Variants in USP49 observed in about 807,000 individuals in gnomAD.
USP49 encodes the protein ubiquitin specific peptidase 49.
Under a neutral mutation model 58.6 loss-of-function variants are expected in USP49, and 24 were observed. The observed-to-expected ratio is 0.41, with a 90% CI of 0.30 to 0.58. The LOEUF is 0.58. Ranked by LOEUF, USP49 falls within the 20% of genes least tolerant of loss-of-function variation. USP49 has a pLI of 0.30. For synonymous variants in USP49, 408 were observed against 365.1 expected (o/e 1.12, Z -1.34); for missense variants, 703 against 866.1 (o/e 0.81, Z 2.36).
intron 2 of USP49, among the ~76,000 whole-genome samples, chr6:41,881,288 C>CAAAAAAAAAAAGAAAAA (rs1774602359): frequency 4.9e-5 from 1 of 20,378 alleles, no homozygotes; most frequent in Non-Finnish European, 7.6e-5. Flanking sequence ...CATTAAATAC[C>CAAAAAAAAAAAGAAAAA]AAAAAAAAAA....
chr6:41,881,231 C>T (rs1774599810), intron 2 of USP49, among the ~76,000 whole-genome samples: 1 of 143,288 alleles, frequency 7.0e-6, no homozygotes, highest in African/African-American at 2.6e-5. Flanking sequence ...CCTGCCCGGC[C>T]CCTACGCAGA....
chr6:41,844,996 G>A (rs1288541365), intron 3 of USP49, among the ~76,000 whole-genome samples: 2 of 152,044 alleles, frequency 1.3e-5, no homozygotes, highest in Non-Finnish European at 2.9e-5. Flanking sequence ...TGCCTCCCAG[G>A]TTCAAGCGAT....
intron 3 of USP49, among the ~76,000 whole-genome samples, chr6:41,831,960 C>T (rs1209254099): frequency 1.3e-5 from 2 of 152,178 alleles, no homozygotes; most frequent in African/African-American, 4.8e-5. Flanking sequence ...CCCTCAAAAG[C>T]CAGCTTAGGT....
At chr6:41,853,943 G>A (rs1210169078) in intron 3 of USP49, among the ~76,000 whole-genome samples, 1 of 142,274 alleles carries the variant, frequency 7.0e-6, no homozygotes, top group Non-Finnish European at 1.5e-5. Context: ...AGGTTGAGGT[G>A]AGCCAAGATT....
rs993909548 is a variant in USP49 at position 41,806,453 on chromosome 6, G to T, written c.531C>A (p.Ala177=). 1 of 1,592,702 alleles carries T rather than the reference G, an allele frequency of 6.3e-7. No individual in the cohort carries two copies. The highest frequency in any genetic ancestry group is 8.5e-7 in the Non-Finnish European group (1 of 1,177,130). Reference sequence around the variant, plus strand: ...GCGCCTCCTCCTTCTTGCGCTCCAGGGCCTCCTCCTGCCGCCGCTGCTCCA... The same window carrying T: ...GCGCCTCCTCCTTCTTGCGCTCCAGTGCCTCCTCCTGCCGCCGCTGCTCCA... The part of the protein sequence containing the change: ...AKLEQRRQEE[A]LERKKEEARR... The change falls in exon 4 of 8, where the codon GCC becomes GCA. Residue 177 remains alanine (A), a synonymous_variant. Transcript: ENST00000682992. This position sits in a 1 kb window ranked among gnomAD's most constrained non-coding sequence, Gnocchi z 5.9.
chr6:41,805,753 C>G lies in USP49; in HGVS notation c.1231G>C (p.Val411Leu). 2 of 1,614,110 alleles carry G rather than the reference C, an allele frequency of 1.2e-6. No homozygotes were observed. The highest frequency in any genetic ancestry group is 1.7e-6 in the Non-Finnish European group (2 of 1,180,022). Residue 411 changes from valine to leucine, a missense_variant, in exon 4 of 8, where the codon GTG becomes CTG. This residue lies in a region of USP49 where 66 missense variants were observed against 116.0 expected (regional missense o/e 0.57). Transcript: ENST00000682992. ...CCCTCAGACTCGAGTTCCTGCTGCA[C>G]CTTGTGCAGCAGCTCGCAGAGAAAT... ...QEFLCELLHK[V>L]QQELESEGTT...
At position 41,806,230 on chromosome 6, in the gene USP49, C is replaced by T. The variant is rs1393835165; in HGVS notation, c.754G>A (p.Val252Ile). Residue 252 changes from valine to isoleucine, a missense_variant, in exon 4 of 8, where the codon GTC becomes ATC. This residue lies in a region of USP49 where 376 missense variants were observed against 373.5 expected (regional missense o/e 1.01). Transcript: ENST00000682992. This position sits in a 1 kb window ranked among gnomAD's most constrained non-coding sequence, Gnocchi z 5.9. ...TTGCCCAGGTTGCGCAGGCCCGTGACGCCTGGGGCCATGGCCGGCTGGCGA... is the reference window on the plus strand; with the variant it reads ...TTGCCCAGGTTGCGCAGGCCCGTGATGCCTGGGGCCATGGCCGGCTGGCGA... ...LRRQPAMAPG[V>I]TGLRNLGNTC... is the part of the protein sequence containing the mutation. The T allele has an allele frequency of 6.8e-6, 11 of 1,610,990 alleles. No individual in the cohort carries two copies. The highest frequency in any genetic ancestry group is 6.8e-6 in the Non-Finnish European group (8 of 1,180,014).
At chr6:41,815,428 A>C (rs570956521) in intron 3 of USP49, among the ~76,000 whole-genome samples, 11 of 152,144 alleles carry the variant, frequency 7.2e-5, no homozygotes, top group African/African-American at 2.6e-4. Flanking sequence ...CTCAAAAAAA[A>C]AAAAAGAGTG....
intron 2 of USP49, among the ~76,000 whole-genome samples, chr6:41,871,997 A>C (rs1774419208): frequency 6.6e-6 from 1 of 152,262 alleles, no homozygotes; most frequent in Admixed American, 6.5e-5. Context: ...AAAATACTCG[A>C]ATATCAAAAG....
At chr6:41,875,330 G>A (rs1774485089) in intron 2 of USP49, among the ~76,000 whole-genome samples, 1 of 152,062 alleles carries the variant, frequency 6.6e-6, no homozygotes, top group Non-Finnish European at 1.5e-5. Context: ...ATCTTTTTCA[G>A]CAAGCTCAAT....
chr6:41,817,322 A>G lies in USP49; in HGVS notation c.-28-10311T>C, dbSNP rs375167538. ...ACCACCATGCCCAGCTAATTTTTGT[A>G]TTTTGAGTAGTGACTGGGTTTCACC... On this transcript the variant is annotated intron_variant, in intron 3 of 7. Transcript: ENST00000682992. 5.5e-4 allele frequency among the ~76,000 whole-genome samples: 78 copies of G among 141,610 alleles called. 1 individual carries two copies. In the South Asian group the frequency reaches 0.018, roughly 32 times the overall value. 92.9% of individuals were successfully genotyped at this position (141,610 alleles called of 152,430 possible). A position where few individuals can be genotyped will look rare whatever the true frequency, so the allele number is the denominator to read the frequency against.
Position 41,872,453 on chromosome 6 carries a change from G to A in USP49, c.-102-816C>T, listed in dbSNP as rs557327884. On this transcript the variant is annotated intron_variant, in intron 2 of 7. Transcript: ENST00000682992. ...TGGGAAGTGAGGAGTGCCTCTGCGC[G>A]ACTGCTGTGCAACCATCCAAGTATG... 4.3e-4 allele frequency among the ~76,000 whole-genome samples: 65 copies of A among 152,242 alleles called. 1 individual carries two copies. The highest frequency in any genetic ancestry group is 8.3e-4 in the South Asian group (4 of 4,824).
At chr6:41,802,025 GTT>G (rs79214450) in intron 5 of USP49, among the ~76,000 whole-genome samples, 7 of 142,788 alleles carry the variant, frequency 4.9e-5, no homozygotes, top group Admixed American at 1.4e-4. Flanking sequence ...AGGAATCACT[GTT>G]TTTTTTTTTT....
At chr6:41,832,346 C>T (rs1773649007) in intron 3 of USP49, among the ~76,000 whole-genome samples, 1 of 152,230 alleles carries the variant, frequency 6.6e-6, no homozygotes, top group South Asian at 2.1e-4. Context: ...AGCTCCTTTA[C>T]AGGGCACTAT....
chr6:41,871,223 G>C lies in USP49; in HGVS notation c.-29+341C>G, dbSNP rs573066437. On this transcript the variant is annotated intron_variant, in intron 3 of 7. Coordinates refer to ENST00000682992, the MANE Select transcript of USP49 (RefSeq NM_001286554.2). Reference sequence around the variant, plus strand: ...AGCAACTGACATATTTGGAGAAAAAGAAGGGGTAGATAATTACTCTTGACA... The same window carrying C: ...AGCAACTGACATATTTGGAGAAAAACAAGGGGTAGATAATTACTCTTGACA... Among the ~76,000 whole-genome samples the C allele has an allele frequency of 2.2e-4, 34 of 152,226 alleles. No homozygotes were observed. In the East Asian group the frequency reaches 5.2e-3, roughly 23 times the overall value.
chr6:41,806,574 G>A lies in USP49; in HGVS notation c.410C>T (p.Pro137Leu), dbSNP rs867875917. 3.7e-6 allele frequency: 6 copies of A among 1,604,018 alleles called. No individual in the cohort carries two copies. The Middle Eastern group carries it at 5.0e-4, about 133-fold the overall frequency. Residue 137 changes from proline to leucine, a missense_variant, in exon 4 of 8, where the codon CCG (proline) becomes CTG (leucine). Pro to Leu is a moderately conservative substitution (Grantham distance 98). This residue lies in a region of USP49 where 376 missense variants were observed against 373.5 expected (regional missense o/e 1.01). Coordinates refer to ENST00000682992, the MANE Select transcript of USP49 (RefSeq NM_001286554.2). The surrounding 1 kb of genome is among the most constrained non-coding windows in gnomAD (Gnocchi z 5.9). ...VLPQRAPQGQ[P>L]QMLTALWYRR... ...GTACCACAGAGCCGTGAGCATCTGC[G>A]GCTGTCCCTGAGGAGCGCGCTGCGG...
intron 3 of USP49, among the ~76,000 whole-genome samples, chr6:41,830,806 G>A (rs923973847): frequency 6.6e-5 from 10 of 151,568 alleles, no homozygotes; most frequent in Non-Finnish European, 1.5e-4. Flanking sequence ...CTGGGCAACA[G>A]AGCAAGACTC....
chr6:41,885,176 G>A (rs1774687155), intron 2 of USP49, among the ~76,000 whole-genome samples: 1 of 152,162 alleles, frequency 6.6e-6, no homozygotes. Flanking sequence ...GATTTCACAA[G>A]CACACTGCTG....
At position 41,794,569 on chromosome 6, in the gene USP49, A is replaced by C. The variant is rs922108954; in HGVS notation, c.*1964T>G. 2 of 151,964 alleles carry C rather than the reference A, an allele frequency of 1.3e-5. No individual in the cohort carries two copies. The highest frequency in any genetic ancestry group is 2.9e-5 in the Non-Finnish European group (2 of 67,988). 9.4% of individuals were successfully genotyped at this position (151,964 alleles called of 1,614,324 possible). ...TTTTTTTGAGTTAATGGGCTTTTCTATTGCCACAAAAAGTCATTACTAATC... is the reference window on the plus strand; with the variant it reads ...TTTTTTTGAGTTAATGGGCTTTTCTCTTGCCACAAAAAGTCATTACTAATC... On this transcript the variant is annotated 3_prime_UTR_variant, in exon 8 of 8. Transcript: ENST00000682992.
Sources: gnomAD v4.1 joint callset for allele counts (sites outside exome capture counted in the v4.1 genomes callset) on GRCh38, gnomAD v4.1.1 for gene constraint, gnomAD v4.1.1 regional missense constraint, Gnocchi (gnomAD v3.1) non-coding constraint, MANE v1.5 for transcripts, NCBI Gene and HGNC (gene_info 2026-07-23, HGNC 2026-07-21) for gene names.